SPATA33: variants seen among roughly 807,000 people sequenced by gnomAD.
SPATA33 encodes the protein spermatogenesis associated 33.
A neutral mutation model predicts 8.9 loss-of-function variants in SPATA33; 10 were observed. The observed-to-expected ratio is 1.12, with a 90% CI of 0.69 to 1.90. SPATA33 has a LOEUF of 1.90. Among genes scored for constraint, SPATA33 ranks in the 40% most tolerant of loss-of-function variants. The pLI, the probability that SPATA33 is intolerant of heterozygous loss-of-function variation, is 0.00. For synonymous variants in SPATA33, 96 were observed against 72.8 expected (o/e 1.32, Z -1.63); for missense variants, 241 against 178.3 (o/e 1.35, Z -2.00).
intron 1 of SPATA33, 31 bp from the exon 2 acceptor site, chr16:89,658,217 C>T (rs991865464): frequency 6.2e-7 from 1 of 1,612,900 alleles, no homozygotes; most frequent in East Asian, 2.2e-5. Context: ...TCGGTAAGTC[C>T]CGGGTCTAAC....
At chr16:89,667,620 GC>G (rs1463555654) in intron 2 of SPATA33, among the ~76,000 whole-genome samples, 1 of 152,142 alleles carries the variant, frequency 6.6e-6, no homozygotes, top group Non-Finnish European at 1.5e-5. Context: ...CCATGATCAT[GC>G]CACAGCATTT....
chr16:89,661,150 G>GCATGGC, intron 2 of SPATA33: 2 of 985,458 alleles, frequency 2.0e-6, no homozygotes, highest in Non-Finnish European at 2.4e-6. Flanking sequence ...GAACAGAAGG[G>GCATGGC]CCATGATGGG....
chr16:89,663,413 A>G (rs1201383801), intron 2 of SPATA33, among the ~76,000 whole-genome samples: 1 of 151,902 alleles, frequency 6.6e-6, no homozygotes, highest in Non-Finnish European at 1.5e-5. Context: ...GGGTTTCTCC[A>G]TGTTGGTCAG....
At chr16:89,661,708 A>G (rs777666914) in intron 2 of SPATA33, among the ~76,000 whole-genome samples, 15 of 152,066 alleles carry the variant, frequency 9.9e-5, no homozygotes, top group Non-Finnish European at 2.2e-4. Flanking sequence ...TACCACAAAT[A>G]AAGAACTTGA....
intron 2 of SPATA33, among the ~76,000 whole-genome samples, chr16:89,667,427 A>G (rs1013597835): frequency 3.9e-5 from 6 of 152,208 alleles, no homozygotes; most frequent in African/African-American, 1.4e-4. Flanking sequence ...TCTGTGATCT[A>G]GATCTAGTAT....
Position 89,658,438 on chromosome 16 carries a change from G to C in SPATA33, c.211+17G>C, listed in dbSNP as rs1369705926. 1.3e-6 allele frequency: 2 copies of C among 1,588,422 alleles called. No individual in the cohort carries two copies. The highest frequency in any genetic ancestry group is 2.7e-5 in the African/African-American group (2 of 74,466). ...CGCTGGAAGGTAGGAGACGGCGGGA[G>C]GGAGCGAAGCGAGGTCAGTGGCTTG... is the stretch of plus-strand genomic sequence containing the variant. On this transcript the variant is annotated intron_variant, in intron 2 of 2. Transcript: ENST00000579310.
chr16:89,664,524 C>T (rs1255223496), intron 2 of SPATA33, among the ~76,000 whole-genome samples: 3 of 152,080 alleles, frequency 2.0e-5, no homozygotes, highest in Non-Finnish European at 2.9e-5. Context: ...CCGACCTGAT[C>T]AGGGAAGCCA....
chr16:89,657,984 C>T (rs918971303), intron 1 of SPATA33, 36 bp downstream of exon 1: 18 of 1,504,088 alleles, frequency 1.2e-5, no homozygotes, highest in East Asian at 5.4e-5. Flanking sequence ...CCCCGCGTCT[C>T]CGCCCCTGGG....
intron 2 of SPATA33, among the ~76,000 whole-genome samples, chr16:89,663,208 T>A (rs2059985753): frequency 6.6e-6 from 1 of 151,132 alleles, no homozygotes; most frequent in African/African-American, 2.4e-5. Flanking sequence ...AAAAAGCCAA[T>A]CCCAGAAGGT....
chr16:89,663,166 T>G (rs258330), intron 2 of SPATA33, among the ~76,000 whole-genome samples: 51,760 of 151,716 alleles, frequency 0.34, 10,504 homozygotes, highest in Middle Eastern at 0.63. Context: ...GGAACACTTC[T>G]ATTGGCTATT....
At chr16:89,666,787 C>G (rs1031763344) in intron 2 of SPATA33, among the ~76,000 whole-genome samples, 4 of 152,224 alleles carry the variant, frequency 2.6e-5, no homozygotes, top group African/African-American at 9.6e-5. Context: ...CATGTGTCCA[C>G]TGGACAGGGG....
At chr16:89,664,124 C>G in intron 2 of SPATA33, among the ~76,000 whole-genome samples, 1 of 152,136 alleles carries the variant, frequency 6.6e-6, no homozygotes, top group East Asian at 1.9e-4. Flanking sequence ...ATTTATGCTT[C>G]CTAGCAAGGA....
chr16:89,658,580 A>G, intron 2 of SPATA33, 159 bp downstream of exon 2: 2 of 879,818 alleles, frequency 2.3e-6, no homozygotes, highest in Non-Finnish European at 3.4e-6. Context: ...TGTAGGAGGT[A>G]AATATCCAGA....
chr16:89,658,598 G>T, intron 2 of SPATA33, 177 bp downstream of exon 2: 1 of 814,402 alleles, frequency 1.2e-6, no homozygotes. Context: ...AGAAATCTTA[G>T]TTGAAAACAT....
rs1227702941 is a variant in SPATA33, at chr16:89,669,434, C to T, written c.360C>T (p.Gly120=). 3.7e-6 allele frequency: 6 copies of T among 1,613,848 alleles called. No homozygotes were observed. The highest frequency in any genetic ancestry group is 1.3e-5 in the African/African-American group (1 of 74,904). Residue 120 remains glycine (G), a synonymous_variant, in exon 3 of 3, where the codon GGC becomes GGT. Coordinates refer to ENST00000579310, the MANE Select transcript of SPATA33 (RefSeq NM_001271907.2). ...QRTIREPEDW[G]PYRRHRNPST... is the part of the protein sequence containing the mutation. ...CCATTCGGGAGCCGGAGGACTGGGG[C>T]CCCTACCGGCGGCACAGGAACCCCA... is the stretch of plus-strand genomic sequence containing the variant.
chr16:89,658,478 G>T, intron 2 of SPATA33, 57 bp downstream of exon 2: 1 of 1,544,688 alleles, frequency 6.5e-7, no homozygotes, highest in Middle Eastern at 2.3e-4. Flanking sequence ...ATCTGGGGCT[G>T]GGGTGAGGAG....
Position 89,657,903 on chromosome 16 carries a change from G to T in SPATA33, c.-9G>T, listed in dbSNP as rs1239472070. Reference sequence around the variant, plus strand: ...CGGGCTTGCGTCGGAGGGGGCGGTGGGCTCACCCATGGGCCTTTCCAAAAG... The same window carrying T: ...CGGGCTTGCGTCGGAGGGGGCGGTGTGCTCACCCATGGGCCTTTCCAAAAG... On this transcript the variant is annotated 5_prime_UTR_variant, in exon 1 of 3. Transcript: ENST00000579310. The T allele has an allele frequency of 5.9e-6, 9 of 1,517,738 alleles. No individual in the cohort carries two copies. The highest frequency in any genetic ancestry group is 5.2e-5 in the East Asian group (2 of 38,374). 94.0% of individuals were successfully genotyped at this position (1,517,738 alleles called of 1,614,324 possible). A position where few individuals can be genotyped will look rare whatever the true frequency, so the allele number is the denominator to read the frequency against.
At chr16:89,658,208 C>A (rs1290082337) in intron 1 of SPATA33, 40 bp from the exon 2 acceptor site, 4 of 1,610,538 alleles carry the variant, frequency 2.5e-6, no homozygotes, top group Non-Finnish European at 3.4e-6. Context: ...GCCCTGCATT[C>A]GGTAAGTCCC....
At chr16:89,660,689 A>T in intron 2 of SPATA33, 1 of 786,628 alleles carries the variant, frequency 1.3e-6, no homozygotes, top group Non-Finnish European at 1.7e-6. Context: ...GAAAAGGCAC[A>T]TTTACAGAGA....
Sources: allele counts gnomAD v4.1 joint callset (sites outside exome capture counted in the v4.1 genomes callset), GRCh38; gene constraint gnomAD v4.1.1; transcripts MANE v1.5; gene names NCBI Gene and HGNC (gene_info 2026-07-23, HGNC 2026-07-21).